Variants in FRS2 observed in about 807,000 individuals in gnomAD.
FRS2 encodes the protein fibroblast growth factor receptor substrate 2, also known as FGFR signalling adaptor.
A neutral mutation model predicts 43.9 loss-of-function variants in FRS2; 8 were observed. That is an observed-to-expected ratio of 0.18 (90% CI 0.11 to 0.33). FRS2 has a LOEUF of 0.33. Ranked by LOEUF, FRS2 falls within the 10% of genes least tolerant of loss-of-function variation. The pLI is 1.00. For missense variants in FRS2, 534 were observed against 627.6 expected (o/e 0.85, Z 1.59); for synonymous variants, 219 against 220.3 (o/e 0.99, Z 0.05).
chr12:69,568,534 C>CCTGCCTGT (rs1880480804), intron 4 of FRS2, among the ~76,000 whole-genome samples: 3 of 151,724 alleles, frequency 2.0e-5, no homozygotes, highest in African/African-American at 7.2e-5. Flanking sequence ...TGCCTGCCTG[C>CCTGCCTGT]CTGTCTCTGT....
chr12:69,554,285 A>G (rs919148579), intron 3 of FRS2, among the ~76,000 whole-genome samples: 1 of 152,208 alleles, frequency 6.6e-6, no homozygotes, highest in African/African-American at 2.4e-5. Context: ...AATCCTTTTC[A>G]TTCTACCACC....
At position 69,575,658 on chromosome 12, in the gene FRS2, G is replaced by C. The variant is rs1037805394; in HGVS notation, c.*703G>C. 6.6e-6 allele frequency: 1 copy of C among 152,544 alleles called. No individual in the cohort carries two copies. The highest frequency in any genetic ancestry group is 1.5e-5 in the Non-Finnish European group (1 of 68,034). The allele number at this position is 152,544 out of a possible 1,614,324, so 9.4% of individuals were successfully genotyped here. A position where few individuals can be genotyped will look rare whatever the true frequency, so the allele number is the denominator to read the frequency against. On this transcript the variant is annotated 3_prime_UTR_variant, in exon 9 of 9. Coordinates refer to ENST00000549921, the MANE Select transcript of FRS2 (RefSeq NM_001278356.2). ...TCCAGATATCTTAAAATTATAATAGGCTCAAGAATCAGTCTCAGGTCACTT... is the reference window on the plus strand; with the variant it reads ...TCCAGATATCTTAAAATTATAATAGCCTCAAGAATCAGTCTCAGGTCACTT...
At chr12:69,504,009 G>A (rs548904123) in intron 1 of FRS2, among the ~76,000 whole-genome samples, 1 of 152,268 alleles carries the variant, frequency 6.6e-6, no homozygotes, top group Admixed American at 6.5e-5. Flanking sequence ...TTTGAGACCA[G>A]CCTGTCCAAC....
chr12:69,539,700 A>G (rs1877686557), intron 3 of FRS2, among the ~76,000 whole-genome samples: 1 of 152,098 alleles, frequency 6.6e-6, no homozygotes, highest in Non-Finnish European at 1.5e-5. Context: ...CAAGAAATAG[A>G]CAAGATCCAC....
At chr12:69,525,052 C>T (rs980523474) in intron 1 of FRS2, among the ~76,000 whole-genome samples, 3 of 152,068 alleles carry the variant, frequency 2.0e-5, no homozygotes, top group African/African-American at 4.8e-5. Flanking sequence ...TAGGAGTGCA[C>T]GAGTCTTCCT....
At chr12:69,476,175 T>C (rs1353174779) in intron 1 of FRS2, among the ~76,000 whole-genome samples, 2 of 152,226 alleles carry the variant, frequency 1.3e-5, no homozygotes, top group African/African-American at 4.8e-5. Context: ...ATTCTGCCCT[T>C]GTGTTAGCCT....
chr12:69,532,840 T>G (rs1164581162), intron 3 of FRS2, among the ~76,000 whole-genome samples: 1 of 152,246 alleles, frequency 6.6e-6, no homozygotes, highest in Admixed American at 6.5e-5. Context: ...ATTGACTTGT[T>G]ATTCTATTCA....
At chr12:69,496,536 T>C (rs547740205) in intron 1 of FRS2, among the ~76,000 whole-genome samples, 1 of 152,310 alleles carries the variant, frequency 6.6e-6, no homozygotes, top group Admixed American at 6.5e-5. Flanking sequence ...TTTTGAAGTG[T>C]CCAGCTAAAG....
At chr12:69,541,824 CAA>C (rs10605112) in intron 3 of FRS2, among the ~76,000 whole-genome samples, 45,720 of 89,914 alleles carry the variant, frequency 0.51, 7,637 homozygotes, top group South Asian at 0.6. Context: ...GACCCTGTCT[CAA>C]AAAAAAAAAA....
At chr12:69,534,340 T>C (rs1008771895) in intron 3 of FRS2, among the ~76,000 whole-genome samples, 1 of 152,220 alleles carries the variant, frequency 6.6e-6, no homozygotes, top group Non-Finnish European at 1.5e-5. Flanking sequence ...GATTTTATTT[T>C]TTCAGCTACG....
At chr12:69,480,999 C>G (rs925611884) in intron 1 of FRS2, among the ~76,000 whole-genome samples, 8 of 152,042 alleles carry the variant, frequency 5.3e-5, no homozygotes, top group African/African-American at 1.9e-4. Context: ...TAAGTAACCG[C>G]CTGGAGAATA....
intron 1 of FRS2, among the ~76,000 whole-genome samples, chr12:69,479,283 G>T (rs1182572840): frequency 1.3e-5 from 2 of 149,196 alleles, no homozygotes; most frequent in Non-Finnish European, 3.0e-5. Context: ...ATTAGCAGTT[G>T]TTTTTTCTTT....
intron 1 of FRS2, among the ~76,000 whole-genome samples, chr12:69,529,394 C>T: frequency 6.6e-6 from 1 of 152,158 alleles, no homozygotes; most frequent in South Asian, 2.1e-4. Context: ...GAAGCTGAGG[C>T]AGGTGGATCA....
At chr12:69,541,646 G>A (rs1236786245) in intron 3 of FRS2, among the ~76,000 whole-genome samples, 2 of 151,710 alleles carry the variant, frequency 1.3e-5, no homozygotes, top group South Asian at 2.1e-4. Context: ...GCAACATGGC[G>A]AAACTCCTTC....
At chr12:69,509,746 T>C (rs1874287218) in intron 1 of FRS2, among the ~76,000 whole-genome samples, 1 of 152,186 alleles carries the variant, frequency 6.6e-6, no homozygotes, top group Non-Finnish European at 1.5e-5. Flanking sequence ...AAAATGATGT[T>C]GATGACTCTC....
chr12:69,489,490 T>G (rs1167094979), intron 1 of FRS2, among the ~76,000 whole-genome samples: 1 of 151,978 alleles, frequency 6.6e-6, no homozygotes, highest in Non-Finnish European at 1.5e-5. Flanking sequence ...GGCAACATGG[T>G]GAAATGCCGT....
At chr12:69,541,681 C>T (rs1877914014) in intron 3 of FRS2, among the ~76,000 whole-genome samples, 1 of 151,826 alleles carries the variant, frequency 6.6e-6, no homozygotes. Flanking sequence ...AAAAATTAGC[C>T]ACATGCGGTG....
chr12:69,533,355 T>A (rs1483431405), intron 3 of FRS2, among the ~76,000 whole-genome samples: 2 of 61,976 alleles, frequency 3.2e-5, no homozygotes, highest in African/African-American at 1.2e-4. Context: ...GTTGTCTAGG[T>A]TTTTTTTTTT....
rs186477306 is a variant in FRS2, at chr12:69,563,732, T to G, written c.-27+1458T>G. 2.6e-4 allele frequency among the ~76,000 whole-genome samples: 40 copies of G among 152,302 alleles called. No individual in the cohort carries two copies. The East Asian group carries it at 6.7e-3, about 26-fold the overall frequency. On this transcript the variant is annotated intron_variant, in intron 4 of 8. Coordinates refer to ENST00000549921, the MANE Select transcript of FRS2 (RefSeq NM_001278356.2). ...ACTAATCCTGCCATTCTCAAGTCCCTCATTCTACAAGCCTTGCGTTCTCTT... is the reference window on the plus strand; with the variant it reads ...ACTAATCCTGCCATTCTCAAGTCCCGCATTCTACAAGCCTTGCGTTCTCTT...
Sources: allele counts gnomAD v4.1 joint callset (sites outside exome capture counted in the v4.1 genomes callset), GRCh38; gene constraint gnomAD v4.1.1; transcripts MANE v1.5; gene names NCBI Gene and HGNC (gene_info 2026-07-23, HGNC 2026-07-21).